The following STAB1 variants were observed in gnomAD, a reference collection of about 807,000 sequenced individuals.
The protein encoded by STAB1 is stabilin 1.
STAB1 carries 250 observed loss-of-function variants against 332.4 expected under a neutral mutation model. That is an observed-to-expected ratio of 0.75 (90% CI 0.68 to 0.84). The LOEUF is 0.84. STAB1 is among the 40% of genes least tolerant of loss of function. The pLI, the probability that STAB1 is intolerant of heterozygous loss-of-function variation, is 0.00. For synonymous variants in STAB1, 1,475 were observed against 1,390.4 expected (o/e 1.06, Z -1.35); for missense variants, 3,249 against 3,489.7 (o/e 0.93, Z 1.74).
rs201513685 is a variant in STAB1, at chr3:52,506,730, G to A, written c.1869G>A (p.Gln623=). ...ILLGPEGVPL[Q]RVDVMAANGV... ...TGGGACCCGAGGGGGTCCCGCTGCA[G>A]AGGGTAGACGTGATGGCCGCCAATG... is the stretch of plus-strand genomic sequence containing the variant. The change falls in exon 18 of 69, where the codon CAG becomes CAA. Residue 623 remains glutamine (Q), a synonymous_variant. Transcript: ENST00000321725. 3 of 1,612,406 alleles carry A rather than the reference G, an allele frequency of 1.9e-6. No individual in the cohort carries two copies. The highest frequency in any genetic ancestry group is 1.1e-5 in the South Asian group (1 of 91,058).
At position 52,505,349 on chromosome 3, in the gene STAB1, G is replaced by A. The variant is rs751176424; in HGVS notation, c.1549G>A (p.Glu517Lys). 6 of 1,613,572 alleles carry A rather than the reference G, an allele frequency of 3.7e-6. No homozygotes were observed. Among genetic ancestry groups the A allele is most frequent in the Middle Eastern group, 1.6e-4 (1 of 6,062 alleles). ...RTIGQILAST[E>K]AFSRFETILE... ...TATCGGACAGATCCTCGCCTCTACC[G>A]AGGCCTTCAGCCGCTTTGAAACCAT... Residue 517 changes from glutamate (E) to lysine (K), a missense_variant, in exon 14 of 69, where the codon GAG becomes AAG. By Grantham distance (56) the Glu-to-Lys change is moderately conservative. Transcript: ENST00000321725.
At chr3:52,516,845 C>A in intron 41 of STAB1, 77 bp downstream of exon 41, 1 of 1,594,604 alleles carries the variant, frequency 6.3e-7, no homozygotes, top group South Asian at 1.1e-5. Context: ...TTCACTTCCT[C>A]TAGGCCCAGC....
At chr3:52,508,116 C>T in intron 20 of STAB1, 90 bp downstream of exon 20, 1 of 1,409,970 alleles carries the variant, frequency 7.1e-7, no homozygotes, top group South Asian at 1.3e-5. Flanking sequence ...TGGGCTCCCT[C>T]CCTCAGAGGA....
At chr3:52,503,684 G>T in intron 8 of STAB1, 88 bp from the exon 9 acceptor site, 1 of 1,583,114 alleles carries the variant, frequency 6.3e-7, no homozygotes, top group Non-Finnish European at 8.6e-7. Context: ...CTTCAGGGAG[G>T]GGCTGAGCAG....
chr3:52,518,722 G>A lies in STAB1; in HGVS notation c.4888-1G>A, dbSNP rs1487010373. 6.2e-7 allele frequency: 1 copy of A among 1,612,460 alleles called. No homozygotes were observed. The highest frequency in any genetic ancestry group is 1.7e-5 in the Admixed American group (1 of 59,990). ...CCACTCCCCTCGCGACTCTGCTCCA[G>A]GATGAGCTGGCCCGGATTCGTGCGC... is the stretch of plus-strand genomic sequence containing the variant. On this transcript the variant is annotated splice_acceptor_variant, in intron 47 of 68. Coordinates refer to ENST00000321725, the MANE Select transcript of STAB1 (RefSeq NM_015136.3). LOFTEE classifies it high-confidence loss of function.
chr3:52,522,281 T>G, intron 59 of STAB1, 49 bp from the exon 60 acceptor site: 5 of 1,611,404 alleles, frequency 3.1e-6, no homozygotes, highest in Non-Finnish European at 4.2e-6. Context: ...CTGGCAGAAC[T>G]TCCGACCTCT....
Position 52,506,690 on chromosome 3 carries a change from A to C in STAB1, c.1831-2A>C, listed in dbSNP as rs774727934. On this transcript the variant is annotated splice_acceptor_variant, in intron 17 of 68. Transcript: ENST00000321725. LOFTEE classifies it high-confidence loss of function. ...GGTTGGCTCAGTGGGTCTCTGCCGC[A>C]GGGGCGCATCCTGCTGGGACCCGAG... The C allele has an allele frequency of 4.7e-5, 75 of 1,607,344 alleles. No individual in the cohort carries two copies. Among genetic ancestry groups the C allele is most frequent in the Non-Finnish European group, 6.1e-5 (72 of 1,177,296 alleles).
In STAB1 at chr3:52,506,771, T is replaced by G. The variant is rs1309005349; in HGVS notation, c.1910T>G (p.Leu637Arg). Residue 637 changes from leucine to arginine, a missense_variant, in exon 18 of 69, where the codon CTG (leucine) becomes CGG (arginine). By Grantham distance (102) the Leu-to-Arg change is moderately radical (BLOSUM62 -2). Coordinates refer to ENST00000321725, the MANE Select transcript of STAB1 (RefSeq NM_015136.3). ...VMAANGVIHM[L>R]DGILLPPTIL... ...GCCGCCAATGGTGTGATCCACATGCTGGACGGCATCCTGCTGCCCCCGACC... is the reference window on the plus strand; with the variant it reads ...GCCGCCAATGGTGTGATCCACATGCGGGACGGCATCCTGCTGCCCCCGACC... 5.6e-6 allele frequency: 9 copies of G among 1,612,848 alleles called. No homozygotes were observed. The highest frequency in any genetic ancestry group is 7.6e-6 in the Non-Finnish European group (9 of 1,179,646).
Position 52,516,169 on chromosome 3 carries a change from C to T in STAB1, c.4075C>T (p.His1359Tyr), listed in dbSNP as rs745504962. Residue 1359 changes from histidine (H) to tyrosine (Y), a missense_variant, in exon 38 of 69, where the codon CAC (histidine) becomes TAC (tyrosine). By Grantham distance (83) the His-to-Tyr change is moderately conservative (BLOSUM62 2). Transcript: ENST00000321725. ...RFLGSGECHC[H>Y]EGFHGTACEV... The stretch of plus-strand genomic sequence containing the variant: ...CCTGGGCAGCGGGGAGTGCCACTGC[C>T]ACGAGGGCTTCCATGGAACGGCCTG... 6.8e-6 allele frequency: 11 copies of T among 1,612,444 alleles called. No individual in the cohort carries two copies. The highest frequency in any genetic ancestry group is 1.7e-4 in the Middle Eastern group (1 of 6,050).
chr3:52,506,274 G>T (rs374844519), intron 17 of STAB1, 24 bp downstream of exon 17: 2 of 1,596,904 alleles, frequency 1.3e-6, no homozygotes, highest in African/African-American at 1.3e-5. Flanking sequence ...ACACCTGGGC[G>T]GATGGTGGGG....
rs774819906 is a variant in STAB1, at chr3:52,520,929, G to A, written c.5832G>A (p.Arg1944=). ...SLWGRPQGLG[R]GCHRNCVTTT... is the part of the protein sequence containing the mutation. ...GGGGTAGGCCCCAAGGCCTGGGCAG[G>A]GGCTGCCACCGCAATTGTGTCACCA... is the stretch of plus-strand genomic sequence containing the variant. Residue 1944 remains arginine, a synonymous_variant, in exon 55 of 69, where the codon AGG becomes AGA. Coordinates refer to ENST00000321725, the MANE Select transcript of STAB1 (RefSeq NM_015136.3). The A allele has an allele frequency of 1.9e-6, 3 of 1,595,002 alleles. No homozygotes were observed. Among genetic ancestry groups the A allele is most frequent in the South Asian group, 1.1e-5 (1 of 88,738 alleles).
At chr3:52,507,720 T>C (rs760564736) in intron 19 of STAB1, 45 bp downstream of exon 19, 2 of 1,610,590 alleles carry the variant, frequency 1.2e-6, no homozygotes, top group Non-Finnish European at 8.5e-7. Flanking sequence ...TGACTGCCTG[T>C]TGAGGTTTCT....
Position 52,517,301 on chromosome 3 carries a change from C to T in STAB1, c.4490-19C>T, listed in dbSNP as rs1326234786. ...GGGGCCACTAAGGGCCACCCCCATC[C>T]CAGTGTCTCTTCCCCCAGAAATTAA... On this transcript the variant is annotated intron_variant, in intron 42 of 68. Coordinates refer to ENST00000321725, the MANE Select transcript of STAB1 (RefSeq NM_015136.3). 3.2e-6 allele frequency: 5 copies of T among 1,547,320 alleles called. No homozygotes were observed. Among genetic ancestry groups the T allele is most frequent in the Non-Finnish European group, 4.3e-6 (5 of 1,151,550 alleles).
chr3:52,501,878 T>TC (rs1708473273), intron 3 of STAB1, 125 bp downstream of exon 3: 21 of 1,403,708 alleles, frequency 1.5e-5, no homozygotes, highest in Non-Finnish European at 2.0e-5. Flanking sequence ...ACCGAGCGCC[T>TC]CCAAGGCTCG....
chr3:52,514,787 G>A lies in STAB1; in HGVS notation c.3765G>A (p.Val1255=). 1 of 1,612,900 alleles carries A rather than the reference G, an allele frequency of 6.2e-7. No homozygotes were observed. Among genetic ancestry groups the A allele is most frequent in the South Asian group, 1.1e-5 (1 of 91,080 alleles). Residue 1255 remains valine (V), a synonymous_variant, in exon 35 of 69, where the codon GTG becomes GTA. Coordinates refer to ENST00000321725, the MANE Select transcript of STAB1 (RefSeq NM_015136.3). The stretch of plus-strand genomic sequence containing the variant: ...TTGGTCTGTCGGGGGTCCTGACGGT[G>A]GGCTCAAGTCGCTGCCTGCATAGCC... The part of the protein sequence containing the change: ...SLIGLSGVLT[V]GSSRCLHSHA...
chr3:52,519,446 G>C, intron 49 of STAB1, 42 bp downstream of exon 49: 6 of 1,611,898 alleles, frequency 3.7e-6, no homozygotes, highest in Non-Finnish European at 5.1e-6. Flanking sequence ...ACAGGCAGGT[G>C]GGGGCCTGGG....
In STAB1 at chr3:52,522,422, C is replaced by T; in HGVS notation, c.6558C>T (p.Gly2186=). The change falls in exon 60 of 69, where the codon GGC becomes GGT. Residue 2186 remains glycine (G), a synonymous_variant. Coordinates refer to ENST00000321725, the MANE Select transcript of STAB1 (RefSeq NM_015136.3). ...AACCACCTGTGGACCGCTGCTTGGGCCAGCCACCGCCCTGCCACTCAGATG... is the reference window on the plus strand; with the variant it reads ...AACCACCTGTGGACCGCTGCTTGGGTCAGCCACCGCCCTGCCACTCAGATG... The part of the protein sequence containing the change: ...ESEPPVDRCL[G]QPPPCHSDAM... 2 of 1,612,972 alleles carry T rather than the reference C, an allele frequency of 1.2e-6. No individual in the cohort carries two copies. The highest frequency in any genetic ancestry group is 1.7e-6 in the Non-Finnish European group (2 of 1,180,022).
chr3:52,518,233 T>C, intron 45 of STAB1, 79 bp from the exon 46 acceptor site: 1 of 1,596,792 alleles, frequency 6.3e-7, no homozygotes, highest in Non-Finnish European at 8.6e-7. Context: ...TGGCTAGACC[T>C]TGGGCCGCAG....
Position 52,520,416 on chromosome 3 carries a change from G to A in STAB1, c.5516G>A (p.Gly1839Asp). ...SRTRAGELMV[G>D]EDDARIVQRH... ...TCCTTGCAGGGTGAGCTCATGGTGG[G>A]TGAGGATGATGCTCGCATTGTGCAG... Residue 1839 changes from glycine (G) to aspartate (D), a missense_variant, in exon 53 of 69, where the codon GGT becomes GAT. Gly to Asp is a moderately conservative substitution (Grantham distance 94, BLOSUM62 -1). Transcript: ENST00000321725. 1.2e-6 allele frequency: 2 copies of A among 1,612,048 alleles called. No homozygotes were observed. Among genetic ancestry groups the A allele is most frequent in the Admixed American group, 1.7e-5 (1 of 60,010 alleles).
Sources: allele counts gnomAD v4.1 joint callset, GRCh38; gene constraint gnomAD v4.1.1; transcripts MANE v1.5; gene names NCBI Gene and HGNC (gene_info 2026-07-23, HGNC 2026-07-21).